NMNAT1: variants seen among roughly 807,000 people sequenced by gnomAD.
The protein encoded by NMNAT1 is nicotinamide/nicotinic acid mononucleotide adenylyltransferase 1.
A neutral mutation model predicts 16.7 loss-of-function variants in NMNAT1; 11 were observed. The observed-to-expected ratio is 0.66, with a 90% confidence interval of 0.41 to 1.09. NMNAT1 has a LOEUF of 1.09. Ranked by LOEUF, NMNAT1 falls within the 50% of genes least tolerant of loss-of-function variation. The probability of loss-of-function intolerance (pLI) is 0.00; values close to 1 mark genes in which losing one functional copy is unlikely to be tolerated. For missense variants in NMNAT1, 280 were observed against 332.3 expected (o/e 0.84, Z 1.22); for synonymous variants, 110 against 119.8 (o/e 0.92, Z 0.53).
chr1:9,992,347 C>T, the NMNAT1 span, among the ~76,000 whole-genome samples: 4 of 152,132 alleles, frequency 2.6e-5, no homozygotes, highest in African/African-American at 7.2e-5. Flanking sequence ...CCCCAAAATG[C>T]TGGGATTACA....
chr1:9,978,870 C>T lies in NMNAT1; in HGVS notation c.300-2161C>T, dbSNP rs116569742. 6.3e-3 allele frequency among the ~76,000 whole-genome samples: 956 copies of T among 152,312 alleles called. 10 individuals carry two copies. The highest frequency in any genetic ancestry group is 0.021 in the African/African-American group (881 of 41,578). ...CACAAATCCTGCTTAGGGCCCCTTC[C>T]TTTAAGGCCTCAGGCCCTTGCCGCT... On this transcript the variant is annotated intron_variant, in intron 3 of 4. Coordinates refer to ENST00000377205, the MANE Select transcript of NMNAT1 (RefSeq NM_022787.4).
Position 9,985,122 on chromosome 1 carries a change from A to G in NMNAT1, c.*2421A>G, listed in dbSNP as rs999743317. On this transcript the variant is annotated 3_prime_UTR_variant, in exon 5 of 5. Transcript: ENST00000377205. ...AGGCCCATTCCTCTAACATTCTCATAATTTTTCTCAAAGGCCTATGATCTA... is the reference window on the plus strand; with the variant it reads ...AGGCCCATTCCTCTAACATTCTCATGATTTTTCTCAAAGGCCTATGATCTA... 2.0e-5 allele frequency: 3 copies of G among 152,120 alleles called. No homozygotes were observed. The highest frequency in any genetic ancestry group is 7.2e-5 in the African/African-American group (3 of 41,424). The allele number at this position is 152,120 out of a possible 1,614,324, so 9.4% of individuals were successfully genotyped here.
At position 9,982,652 on chromosome 1, in the gene NMNAT1, G is replaced by T. The variant is rs1641974663; in HGVS notation, c.791G>T (p.Gly264Val). 1.2e-6 allele frequency: 2 copies of T among 1,613,822 alleles called. No homozygotes were observed. The highest frequency in any genetic ancestry group is 2.7e-5 in the African/African-American group (2 of 74,904). ...YSSESEDRNA[G>V]VILAPLQRNT... ...TCTGAGAGTGAAGACAGGAATGCTG[G>T]GGTCATCCTGGCCCCTTTGCAGAGA... Residue 264 changes from glycine to valine, a missense_variant, in exon 5 of 5, where the codon GGG becomes GTG. Physicochemically the swap from Gly to Val is moderately radical, Grantham distance 109. Transcript: ENST00000377205.
chr1:9,945,090 C>T (rs1487948196), intron 1 of NMNAT1, among the ~76,000 whole-genome samples: 2 of 152,156 alleles, frequency 1.3e-5, no homozygotes, highest in African/African-American at 2.4e-5. Context: ...AAAAATTAAC[C>T]AGGCGTGGTG....
In NMNAT1 at chr1:9,977,721, C is replaced by T. The variant is rs1418857328; in HGVS notation, c.299+1946C>T. ...GTCTCTACTAAAAATACAAAATTAG[C>T]TGGGCCCATACCTGTAATCCCAGCT... On this transcript the variant is annotated intron_variant, in intron 3 of 4. Coordinates refer to ENST00000377205, the MANE Select transcript of NMNAT1 (RefSeq NM_022787.4). 3.3e-5 allele frequency among the ~76,000 whole-genome samples: 5 copies of T among 151,726 alleles called. No homozygotes were observed. The Admixed American group carries it at 3.3e-4, about 10-fold the overall frequency.
chr1:9,971,927 A>AT (rs1641697992), intron 1 of NMNAT1, 91 bp from the exon 2 acceptor site: 1 of 616,282 alleles, frequency 1.6e-6, no homozygotes, highest in African/African-American at 1.8e-5. Flanking sequence ...CTGTGGTTGC[A>AT]TCACTACACT....
chr1:9,988,131 G>A (rs1403125208), downstream of NMNAT1, among the ~76,000 whole-genome samples: 2 of 151,792 alleles, frequency 1.3e-5, no homozygotes, highest in African/African-American at 2.4e-5. Flanking sequence ...CCGAGTAGCT[G>A]GGATTATAAG....
At chr1:9,963,993 G>A (rs1464800508) in intron 1 of NMNAT1, among the ~76,000 whole-genome samples, 1 of 151,516 alleles carries the variant, frequency 6.6e-6, no homozygotes, top group Non-Finnish European at 1.5e-5. Flanking sequence ...CTGGGTTCAA[G>A]TAATTCTTGT....
chr1:9,988,772 T>C (rs998424057), downstream of NMNAT1, among the ~76,000 whole-genome samples: 1 of 151,238 alleles, frequency 6.6e-6, no homozygotes, highest in Non-Finnish European at 1.5e-5. Flanking sequence ...TTCAAGTGAT[T>C]CTCGTGCCTC....
At chr1:9,974,267 G>T (rs888246847) in intron 2 of NMNAT1, among the ~76,000 whole-genome samples, 1 of 151,174 alleles carries the variant, frequency 6.6e-6, no homozygotes, top group African/African-American at 2.4e-5. Context: ...CCCTGGCTGG[G>T]CAGGCTGGAG....
intron 1 of NMNAT1, among the ~76,000 whole-genome samples, chr1:9,955,036 G>A (rs892698362): frequency 2.0e-5 from 3 of 152,160 alleles, no homozygotes; most frequent in African/African-American, 7.2e-5. Flanking sequence ...TGTAATCCCA[G>A]CACTTTGGGA....
Position 9,977,138 on chromosome 1 carries a change from C to T in NMNAT1, c.299+1363C>T, listed in dbSNP as rs540215823. Among the ~76,000 whole-genome samples the T allele has an allele frequency of 5.8e-4, 89 of 152,312 alleles. 1 individual carries two copies. The South Asian group carries it at 0.016, about 28-fold the overall frequency. ...GCCAGGCTGGTCTTGAACTCCTGAC[C>T]TCAGGTGATCTGCCCATCTCGGGCC... is the stretch of plus-strand genomic sequence containing the variant. On this transcript the variant is annotated intron_variant, in intron 3 of 4. Transcript: ENST00000377205.
downstream of NMNAT1, among the ~76,000 whole-genome samples, chr1:9,988,146 C>T (rs1414733305): frequency 6.6e-6 from 1 of 151,878 alleles, no homozygotes; most frequent in Non-Finnish European, 1.5e-5. Flanking sequence ...TATAAGCGCA[C>T]ACCACCGTGC....
At position 9,981,189 on chromosome 1, in the gene NMNAT1, G is replaced by A; in HGVS notation, c.439+19G>A. The A allele has an allele frequency of 6.2e-7, 1 of 1,600,558 alleles. No individual in the cohort carries two copies. The highest frequency in any genetic ancestry group is 1.1e-5 in the South Asian group (1 of 88,804). On this transcript the variant is annotated intron_variant, in intron 4 of 4. Coordinates refer to ENST00000377205, the MANE Select transcript of NMNAT1 (RefSeq NM_022787.4). ...ACAAAAGGTTTGTATGTTTTAGCAG[G>A]ACCCACGGACTAGAGTTGATAAGAT...
intron 2 of NMNAT1, among the ~76,000 whole-genome samples, chr1:9,974,773 C>T (rs1221003406): frequency 1.3e-5 from 2 of 152,026 alleles, no homozygotes; most frequent in Non-Finnish European, 1.5e-5. Flanking sequence ...ATTCTCCTGC[C>T]TTGGTCTCCC....
chr1:9,950,693 C>T (rs571280055), intron 1 of NMNAT1: 1 of 152,368 alleles, frequency 6.6e-6, no homozygotes, highest in African/African-American at 2.4e-5. Flanking sequence ...GTGGAAGTAA[C>T]GTGAGAAGGA....
At chr1:9,993,649 G>T in the NMNAT1 span, among the ~76,000 whole-genome samples, 1 of 152,098 alleles carries the variant, frequency 6.6e-6, no homozygotes. Context: ...TTTATAAGTG[G>T]TCCTGGCAAG....
downstream of NMNAT1, among the ~76,000 whole-genome samples, chr1:9,985,731 C>T (rs375382931): frequency 4.7e-3 from 714 of 152,250 alleles, 3 homozygotes; most frequent in Middle Eastern, 0.058. Context: ...GGCACAGTCT[C>T]GGCTCACTGC....
In NMNAT1 at chr1:9,980,898, C is replaced by T. The variant is rs935835766; in HGVS notation, c.300-133C>T. The stretch of plus-strand genomic sequence containing the variant: ...GTCTCGATCTTCTGACCTCGTGATC[C>T]GCCCACCTCGGCCTCCCAAAGTGCT... On this transcript the variant is annotated intron_variant, in intron 3 of 4. Transcript: ENST00000377205. 3.0e-5 allele frequency: 25 copies of T among 842,950 alleles called. No homozygotes were observed. In the East Asian group the frequency reaches 3.1e-4, roughly 11 times the overall value. 52.2% of individuals were successfully genotyped at this position (842,950 alleles called of 1,614,324 possible).
Sources: gnomAD v4.1 joint callset for allele counts (sites outside exome capture counted in the v4.1 genomes callset) on GRCh38, gnomAD v4.1.1 for gene constraint, MANE v1.5 for transcripts, NCBI Gene and HGNC (gene_info 2026-07-23, HGNC 2026-07-21) for gene names.